The following EFCAB6 variants were observed in gnomAD, a reference collection of about 807,000 sequenced individuals.
The protein encoded by EFCAB6 is EF-hand calcium binding domain 6, also known as EF-hand calcium-binding domain-containing protein 6.
A neutral mutation model predicts 169.8 loss-of-function variants in EFCAB6; 156 were observed. That is an observed-to-expected ratio of 0.92 (90% CI 0.81 to 1.05). The LOEUF is 1.05. Among genes scored for constraint, EFCAB6 ranks in the 50% least tolerant of loss-of-function variants. The pLI is 0.00. For synonymous variants in EFCAB6, 698 were observed against 676.4 expected, an observed-to-expected ratio of 1.03 and a Z score of -0.50; for missense variants, 1,800 against 1,829.1, an observed-to-expected ratio of 0.98 and a Z score of 0.29.
intron 17 of EFCAB6, among the ~76,000 whole-genome samples, chr22:43,653,798 G>T (rs1382546453): frequency 6.6e-6 from 1 of 152,116 alleles, no homozygotes; most frequent in Non-Finnish European, 1.5e-5. Context: ...GGCAGGGGGA[G>T]GGCGCACTTT....
chr22:43,554,066 AG>A (rs1192345087), intron 27 of EFCAB6: 1 of 152,684 alleles, frequency 6.5e-6, no homozygotes, highest in African/African-American at 2.4e-5. Context: ...GCCTCCTGCC[AG>A]GGTCTGTGAC....
intron 17 of EFCAB6, among the ~76,000 whole-genome samples, chr22:43,660,059 T>C (rs2056928626): frequency 6.6e-6 from 1 of 152,142 alleles, no homozygotes; most frequent in Non-Finnish European, 1.5e-5. Flanking sequence ...CCAGAGGTGG[T>C]ACTAAGAACA....
chr22:43,625,447 G>A (rs958003825), intron 20 of EFCAB6, among the ~76,000 whole-genome samples: 13 of 152,186 alleles, frequency 8.5e-5, no homozygotes, highest in African/African-American at 2.4e-4. Flanking sequence ...CATTCATGTC[G>A]GCTCTCGGCA....
chr22:43,653,811 T>C (rs1303664438), intron 17 of EFCAB6, among the ~76,000 whole-genome samples: 2 of 152,158 alleles, frequency 1.3e-5, no homozygotes, highest in Non-Finnish European at 2.9e-5. Flanking sequence ...CGCACTTTCA[T>C]GGGCTTTCAT....
chr22:43,621,604 T>C (rs1266963741), intron 20 of EFCAB6, among the ~76,000 whole-genome samples: 1 of 151,420 alleles, frequency 6.6e-6, no homozygotes, highest in African/African-American at 2.4e-5. Flanking sequence ...AGAGAAAAAA[T>C]GACTCAAATA....
chr22:43,664,133 T>C (rs2057134299), intron 17 of EFCAB6, among the ~76,000 whole-genome samples: 1 of 152,122 alleles, frequency 6.6e-6, no homozygotes, highest in South Asian at 2.1e-4. Flanking sequence ...GAGCTGACCT[T>C]TGGGGTCGGC....
At chr22:43,591,104 GTTTTTTGT>G (rs1311427251) in intron 23 of EFCAB6, among the ~76,000 whole-genome samples, 5,668 of 104,358 alleles carry the variant, frequency 0.054, 124 homozygotes, top group African/African-American at 0.073. Flanking sequence ...GTTGTTTTTT[GTTTTTTGT>G]TTTTTTTTTT....
chr22:43,535,022 A>C, intron 29 of EFCAB6, 150 bp from the exon 30 acceptor site: 1 of 749,616 alleles, frequency 1.3e-6, no homozygotes, highest in South Asian at 1.9e-5. Flanking sequence ...GGCTGGACAT[A>C]TGTGGAGACA....
chr22:43,536,272 G>A (rs532151311), intron 29 of EFCAB6: 1 of 152,064 alleles, frequency 6.6e-6, no homozygotes, highest in African/African-American at 2.4e-5. Context: ...TTAAATCAAT[G>A]AACAACATTT....
intron 20 of EFCAB6, among the ~76,000 whole-genome samples, chr22:43,619,330 A>C (rs146094518): frequency 6.6e-6 from 1 of 152,346 alleles, no homozygotes; most frequent in East Asian, 1.9e-4. Flanking sequence ...TGCCTGCTAA[A>C]ATAATGACCA....
intron 26 of EFCAB6, among the ~76,000 whole-genome samples, chr22:43,575,519 T>C (rs1055053871): frequency 6.6e-6 from 1 of 151,988 alleles, no homozygotes; most frequent in African/African-American, 2.4e-5. Context: ...GCAGCTTAAG[T>C]GCATCAACTA....
intron 25 of EFCAB6, among the ~76,000 whole-genome samples, chr22:43,579,906 G>A (rs2374771): frequency 0.74 from 110,015 of 149,294 alleles, 40,430 homozygotes; most frequent in Admixed American, 0.8. Flanking sequence ...TTCCGTACAC[G>A]CAGGCATCAT....
intron 10 of EFCAB6, among the ~76,000 whole-genome samples, chr22:43,696,056 A>T (rs1287735788): frequency 6.6e-6 from 1 of 152,160 alleles, no homozygotes; most frequent in Non-Finnish European, 1.5e-5. Flanking sequence ...CTGAAAACAT[A>T]TATCTGATAA....
intron 10 of EFCAB6, among the ~76,000 whole-genome samples, chr22:43,694,061 G>C (rs1003203340): frequency 1.3e-5 from 2 of 151,924 alleles, no homozygotes; most frequent in Non-Finnish European, 2.9e-5. Context: ...AGAGAAAAGA[G>C]TGAGTGACTT....
chr22:43,536,301 A>AT (rs2047379300), intron 29 of EFCAB6: 1 of 152,190 alleles, frequency 6.6e-6, no homozygotes. Context: ...CTGATTTCAG[A>AT]TTTTTTATAC....
chr22:43,563,727 T>C (rs960611316), intron 26 of EFCAB6, among the ~76,000 whole-genome samples: 3 of 152,174 alleles, frequency 2.0e-5, no homozygotes, highest in Admixed American at 6.5e-5. Flanking sequence ...CAGACGTGGG[T>C]TGAGTTCCTG....
intron 10 of EFCAB6, among the ~76,000 whole-genome samples, chr22:43,711,267 A>T (rs1344356407): frequency 6.6e-6 from 1 of 152,194 alleles, no homozygotes; most frequent in East Asian, 1.9e-4. Flanking sequence ...AATACAAATG[A>T]AATAATTGGC....
At chr22:43,548,569 A>T (rs1016523478) in intron 27 of EFCAB6, among the ~76,000 whole-genome samples, 20 of 129,932 alleles carry the variant, frequency 1.5e-4, no homozygotes, top group African/African-American at 5.5e-4. Context: ...AAAAAAAAAA[A>T]AGGTCAACTC....
intron 8 of EFCAB6, among the ~76,000 whole-genome samples, chr22:43,727,732 AACCTTATTT>A (rs1301020380): frequency 1.3e-4 from 20 of 152,178 alleles, no homozygotes; most frequent in African/African-American, 3.9e-4. Context: ...GTATATTAGA[AACCTTATTT>A]ATTAGTCTGC....
Sources: allele counts gnomAD v4.1 joint callset (sites outside exome capture counted in the v4.1 genomes callset), GRCh38; gene constraint gnomAD v4.1.1; transcripts MANE v1.5; gene names NCBI Gene and HGNC (gene_info 2026-07-23, HGNC 2026-07-21).